Variants in ADCY10 observed in about 807,000 individuals in gnomAD.
ADCY10 encodes adenylate cyclase 10.
A neutral mutation model predicts 183.3 loss-of-function variants in ADCY10; 156 were observed. The ratio of observed to expected loss-of-function variants is 0.85; its 90% confidence interval spans 0.75 to 0.97. The LOEUF is 0.97. Ranked by LOEUF, ADCY10 falls within the 50% of genes least tolerant of loss-of-function variation. The pLI, the probability that ADCY10 is intolerant of heterozygous loss-of-function variation, is 0.00. For synonymous variants in ADCY10, 645 were observed against 670.0 expected, an observed-to-expected ratio of 0.96 and a Z score of 0.58; for missense variants, 1,745 against 1,934.3, an observed-to-expected ratio of 0.90 and a Z score of 1.84.
chr1:167,814,888 G>A (rs763906740), intron 31 of ADCY10, among the ~76,000 whole-genome samples: 33 of 152,310 alleles, frequency 2.2e-4, no homozygotes, highest in Non-Finnish European at 3.1e-4. Flanking sequence ...CACTTTGGGA[G>A]GCCGAGGTGG....
At chr1:167,838,204 C>T (rs1046242302) in intron 21 of ADCY10, among the ~76,000 whole-genome samples, 2 of 152,236 alleles carry the variant, frequency 1.3e-5, no homozygotes, top group South Asian at 2.1e-4. Flanking sequence ...AGTACCCCAA[C>T]TCCTGTGTGC....
At chr1:167,850,393 T>G (rs1571300025) in intron 18 of ADCY10, among the ~76,000 whole-genome samples, 1 of 152,078 alleles carries the variant, frequency 6.6e-6, no homozygotes, top group Middle Eastern at 3.4e-3. Context: ...CAATTGGAAA[T>G]ATGGGTGTGG....
rs1483049717 is a variant in ADCY10 at position 167,845,553 on chromosome 1, A to G, written c.3007+10T>C. 2.5e-6 allele frequency: 4 copies of G among 1,613,740 alleles called. No homozygotes were observed. The highest frequency in any genetic ancestry group is 2.7e-5 in the African/African-American group (2 of 75,060). ...AACAGTTAGGATAATTTTAAAATGA[A>G]GTAGGTTACTTTTAAATCCATGAGA... On this transcript the variant is annotated intron_variant, in intron 21 of 32. Coordinates refer to ENST00000367851, the MANE Select transcript of ADCY10 (RefSeq NM_018417.6).
At chr1:167,899,805 G>T (rs565622273) in intron 5 of ADCY10, among the ~76,000 whole-genome samples, 177 bp from the exon 6 acceptor site, 1 of 152,152 alleles carries the variant, frequency 6.6e-6, no homozygotes, top group Non-Finnish European at 1.5e-5. Flanking sequence ...GCCTTCCAAA[G>T]CTCCCCTTCT....
At position 167,823,076 on chromosome 1, in the gene ADCY10, A is replaced by G; in HGVS notation, c.4100T>C (p.Val1367Ala). 8.1e-6 allele frequency: 13 copies of G among 1,614,198 alleles called. No homozygotes were observed. Among genetic ancestry groups the G allele is most frequent in the South Asian group, 1.1e-5 (1 of 91,084 alleles). ...CTTGCTGAAGATGTGTTCCTGTGTT[A>G]CAGAAAGCTCCCACAGCCGCCCCAG... ...QVLGRLWELS[V>A]TQEHIFSKAF... The change falls in exon 29 of 33, where the codon GTA becomes GCA. Residue 1367 changes from valine (V) to alanine (A), a missense_variant. Transcript: ENST00000367851.
intron 16 of ADCY10, among the ~76,000 whole-genome samples, chr1:167,857,005 C>A (rs1053656339): frequency 6.6e-6 from 1 of 152,214 alleles, no homozygotes; most frequent in Non-Finnish European, 1.5e-5. Flanking sequence ...AGACTACCCT[C>A]CCCTAAGTAG....
intron 1 of ADCY10, among the ~76,000 whole-genome samples, chr1:167,910,167 T>A (rs1670062189): frequency 6.6e-6 from 1 of 152,234 alleles, no homozygotes; most frequent in South Asian, 2.1e-4. Context: ...GGGTTTTGTC[T>A]GTGGCTCGTC....
At chr1:167,867,450 T>C (rs1666787080) in intron 14 of ADCY10, among the ~76,000 whole-genome samples, 1 of 152,184 alleles carries the variant, frequency 6.6e-6, no homozygotes, top group African/African-American at 2.4e-5. Flanking sequence ...GTCACTGAGG[T>C]AGGACAAAAG....
chr1:167,811,008 G>A, intron 31 of ADCY10, 95 bp from the exon 32 acceptor site: 1 of 1,183,620 alleles, frequency 8.4e-7, no homozygotes. Context: ...AACATTTCAA[G>A]GATTTAAGCA....
Position 167,901,725 on chromosome 1 carries a change from C to G in ADCY10, c.373G>C (p.Glu125Gln), listed in dbSNP as rs1669437653. The G allele has an allele frequency of 6.2e-7, 1 of 1,614,170 alleles. No individual in the cohort carries two copies. The change falls in exon 5 of 33, where the codon GAG (glutamate) becomes CAG (glutamine). Residue 125 changes from glutamate (E) to glutamine (Q), a missense_variant. Coordinates refer to ENST00000367851, the MANE Select transcript of ADCY10 (RefSeq NM_018417.6). ...TGGGTCTCAAACAATCCATGGATCTCCAGGCTACATTTAATTACCACTGTG... is the reference window on the plus strand; with the variant it reads ...TGGGTCTCAAACAATCCATGGATCTGCAGGCTACATTTAATTACCACTGTG... ...IITVVIKCSL[E>Q]IHGLFETQEW...
intron 1 of ADCY10, among the ~76,000 whole-genome samples, chr1:167,912,610 G>T (rs182198145): frequency 6.6e-6 from 1 of 152,324 alleles, no homozygotes; most frequent in East Asian, 1.9e-4. Context: ...CCCCACTGGG[G>T]GTTCCCTCTC....
chr1:167,880,133 C>T lies in ADCY10; in HGVS notation c.1198G>A (p.Val400Met), dbSNP rs1458824711. 1 of 1,612,822 alleles carries T rather than the reference C, an allele frequency of 6.2e-7. No homozygotes were observed. The highest frequency in any genetic ancestry group is 8.5e-7 in the Non-Finnish European group (1 of 1,179,672). ...AGCACACCTGTGTACTCGTGTCTCACAGTGTGTCCAACGATCCCACAGAAG... is the reference window on the plus strand; with the variant it reads ...AGCACACCTGTGTACTCGTGTCTCATAGTGTGTCCAACGATCCCACAGAAG... ...IVFCGIVGHT[V>M]RHEYTVIGQK... Residue 400 changes from valine (V) to methionine (M), a missense_variant, in exon 11 of 33, where the codon GTG becomes ATG. Val to Met is a conservative substitution (Grantham distance 21). Coordinates refer to ENST00000367851, the MANE Select transcript of ADCY10 (RefSeq NM_018417.6).
chr1:167,898,807 G>A (rs73024106), intron 6 of ADCY10, among the ~76,000 whole-genome samples: 1,855 of 152,166 alleles, frequency 0.012, 32 homozygotes, highest in African/African-American at 0.031. Flanking sequence ...TTTCTGCCGC[G>A]TAGTCCCATT....
intron 1 of ADCY10, among the ~76,000 whole-genome samples, chr1:167,909,089 G>A (rs1669988812): frequency 6.6e-6 from 1 of 152,100 alleles, no homozygotes; most frequent in African/African-American, 2.4e-5. Flanking sequence ...TTTCCCTGAA[G>A]GTAACCTTTC....
chr1:167,909,080 T>C (rs908504563), intron 1 of ADCY10, among the ~76,000 whole-genome samples: 3 of 152,200 alleles, frequency 2.0e-5, no homozygotes, highest in African/African-American at 7.2e-5. Context: ...CCCTTCTCTT[T>C]TCCCTGAAGG....
chr1:167,810,255 A>G (rs879739570), intron 32 of ADCY10, among the ~76,000 whole-genome samples: 1 of 152,178 alleles, frequency 6.6e-6, no homozygotes, highest in Admixed American at 6.5e-5. Context: ...GAAGCTCACA[A>G]TCCTGAACTA....
At chr1:167,908,848 C>T (rs1481638145) in intron 1 of ADCY10, among the ~76,000 whole-genome samples, 1 of 152,150 alleles carries the variant, frequency 6.6e-6, no homozygotes, top group Non-Finnish European at 1.5e-5. Context: ...AAATCAAATG[C>T]ATAAGCACGA....
chr1:167,903,028 G>C (rs911947202), intron 3 of ADCY10, among the ~76,000 whole-genome samples: 12 of 152,216 alleles, frequency 7.9e-5, no homozygotes, highest in African/African-American at 2.4e-4. Flanking sequence ...GCTGAGGTGG[G>C]AGGATCACCT....
intron 12 of ADCY10, among the ~76,000 whole-genome samples, chr1:167,877,732 G>T (rs1667575283): frequency 6.6e-6 from 1 of 152,184 alleles, no homozygotes; most frequent in Admixed American, 6.5e-5. Flanking sequence ...GGGGGAAAGA[G>T]CTTAACTGTC....
Sources: allele counts gnomAD v4.1 joint callset (sites outside exome capture counted in the v4.1 genomes callset), GRCh38; gene constraint gnomAD v4.1.1; transcripts MANE v1.5; gene names NCBI Gene and HGNC (gene_info 2026-07-23, HGNC 2026-07-21).